FNDC3B: variants seen among roughly 807,000 people sequenced by gnomAD.
The protein encoded by FNDC3B is fibronectin type III domain-containing protein 3B.
Under a neutral mutation model 151.5 loss-of-function variants are expected in FNDC3B, and 12 were observed. The ratio of observed to expected loss-of-function variants is 0.08; its 90% CI spans 0.05 to 0.13. The LOEUF is 0.13. Ranked by LOEUF, FNDC3B falls within the 10% of genes least tolerant of loss-of-function variation. FNDC3B has a pLI of 1.00. For missense variants in FNDC3B, 1,214 were observed against 1,505.3 expected (o/e 0.81, Z 3.20); for synonymous variants, 528 against 549.0 (o/e 0.96, Z 0.54).
chr3:172,386,470 C>T (rs751396655), intron 25 of FNDC3B, among the ~76,000 whole-genome samples: 4 of 152,090 alleles, frequency 2.6e-5, no homozygotes, highest in Admixed American at 6.5e-5. Flanking sequence ...GGGCTGGGCG[C>T]GGTGGCTTAC....
At position 172,118,939 on chromosome 3, in the gene FNDC3B, C is replaced by T. The variant is rs575439245; in HGVS notation, c.111+6349C>T. Among the ~76,000 whole-genome samples, 26 of 151,808 alleles carry T rather than the reference C, an allele frequency of 1.7e-4. No homozygotes were observed. The East Asian group carries it at 2.9e-3, about 17-fold the overall frequency. On this transcript the variant is annotated intron_variant, in intron 2 of 25. Transcript: ENST00000415807. Reference sequence around the variant, plus strand: ...ATCCCAGCACTTTGGGAGGCTGAGGCGGGCGGATCACGAGGTCAGGAGATC... The same window carrying T: ...ATCCCAGCACTTTGGGAGGCTGAGGTGGGCGGATCACGAGGTCAGGAGATC...
At chr3:172,394,106 TAAAAA>T (rs60559371) in intron 25 of FNDC3B, among the ~76,000 whole-genome samples, 182 of 16,634 alleles carry the variant, frequency 0.011, 2 homozygotes, top group Non-Finnish European at 0.014. Context: ...AGACTCCTTC[TAAAAA>T]AAAAAAAAAA....
chr3:172,303,728 A>G lies in FNDC3B; in HGVS notation c.1062-3635A>G, dbSNP rs929589156. On this transcript the variant is annotated intron_variant, in intron 9 of 25. Transcript: ENST00000415807. ...GGAAAACTCATTGCCATTATGTGGA[A>G]AAAAAAAAAATTGCAGTATTCTTTT... is the stretch of plus-strand genomic sequence containing the variant. Among the ~76,000 whole-genome samples, 67 of 32,114 alleles carry G rather than the reference A, an allele frequency of 2.1e-3. No individual in the cohort carries two copies. In the African/African-American group the frequency reaches 0.044, roughly 21 times the overall value. The allele number at this position is 32,114 out of a possible 152,430, so 21.1% of individuals were successfully genotyped here.
chr3:172,043,606 T>G (rs1716204129), intron 1 of FNDC3B, among the ~76,000 whole-genome samples: 1 of 152,224 alleles, frequency 6.6e-6, no homozygotes, highest in African/African-American at 2.4e-5. Flanking sequence ...TCATTTTTCT[T>G]TCTTCTACGA....
intron 7 of FNDC3B, 136 bp from the exon 8 acceptor site, chr3:172,295,227 A>G (rs1369092474): frequency 1.1e-5 from 8 of 738,324 alleles, no homozygotes; most frequent in Non-Finnish European, 1.7e-5. Flanking sequence ...GAAAGAGAGC[A>G]CCATATAAGA....
chr3:172,134,529 T>TG, intron 3 of FNDC3B: 1 of 400,218 alleles, frequency 2.5e-6, no homozygotes, highest in Non-Finnish European at 5.2e-6. Context: ...ACAAACAAAC[T>TG]GGGGGAAATG....
intron 5 of FNDC3B, among the ~76,000 whole-genome samples, chr3:172,249,526 C>T (rs1378328851): frequency 6.6e-6 from 1 of 151,988 alleles, no homozygotes; most frequent in African/African-American, 2.4e-5. Flanking sequence ...ATTCTTTTAC[C>T]TTAGTTCTTA....
At chr3:172,099,185 G>C (rs1274525364) in intron 1 of FNDC3B, among the ~76,000 whole-genome samples, 1 of 152,170 alleles carries the variant, frequency 6.6e-6, no homozygotes, top group African/African-American at 2.4e-5. Context: ...GGCATATTTT[G>C]ATTTTGCTAA....
intron 1 of FNDC3B, among the ~76,000 whole-genome samples, chr3:172,084,039 G>T (rs1191770994): frequency 1.3e-5 from 2 of 152,150 alleles, no homozygotes; most frequent in African/African-American, 2.4e-5. Context: ...AGAGTTCATG[G>T]AGGTTGCCAC....
Position 172,397,644 on chromosome 3 carries a change from A to G in FNDC3B, c.*169A>G, listed in dbSNP as rs1736355947. 2.4e-6 allele frequency: 1 copy of G among 409,434 alleles called. No homozygotes were observed. 25.4% of individuals were successfully genotyped at this position (409,434 alleles called of 1,614,324 possible). On this transcript the variant is annotated 3_prime_UTR_variant, in exon 26 of 26. Transcript: ENST00000415807. ...TTGGTGCACCTTTTTGAAATGCAAAACTAGGAAAAGGTTAAACTGGATTTT... is the reference window on the plus strand; with the variant it reads ...TTGGTGCACCTTTTTGAAATGCAAAGCTAGGAAAAGGTTAAACTGGATTTT...
chr3:172,347,268 T>C lies in FNDC3B; in HGVS notation c.2421T>C (p.Asp807=), dbSNP rs756963903. 6 of 1,613,968 alleles carry C rather than the reference T, an allele frequency of 3.7e-6. No individual in the cohort carries two copies. The highest frequency in any genetic ancestry group is 4.5e-5 in the East Asian group (2 of 44,882). ...ISEYRLEWGE[D]EESLELIYHG... is the part of the protein sequence containing the mutation. ...AGTACAGGTTGGAATGGGGAGAAGA[T>C]GAAGAATCCTTAGAACTCATTTATC... is the stretch of plus-strand genomic sequence containing the variant. Residue 807 remains aspartate, a synonymous_variant, in exon 21 of 26, where the codon GAT becomes GAC. Transcript: ENST00000415807.
At chr3:172,351,983 C>T (rs1733879556) in intron 21 of FNDC3B, among the ~76,000 whole-genome samples, 1 of 152,088 alleles carries the variant, frequency 6.6e-6, no homozygotes, top group South Asian at 2.1e-4. Flanking sequence ...GCCACCCATC[C>T]AAATTGGGGA....
chr3:172,255,786 A>AT (rs1728306032), intron 6 of FNDC3B, among the ~76,000 whole-genome samples: 1 of 152,170 alleles, frequency 6.6e-6, no homozygotes, highest in Admixed American at 6.5e-5. Flanking sequence ...TTGGTACCAG[A>AT]TCTCACACAT....
chr3:172,194,089 G>C (rs924587292), intron 3 of FNDC3B, among the ~76,000 whole-genome samples: 1 of 151,930 alleles, frequency 6.6e-6, no homozygotes, highest in Non-Finnish European at 1.5e-5. Context: ...GCGAGGTGGC[G>C]GGCGCCTGTA....
intron 4 of FNDC3B, among the ~76,000 whole-genome samples, chr3:172,229,920 C>A (rs1359603804): frequency 6.6e-6 from 1 of 152,068 alleles, no homozygotes; most frequent in Non-Finnish European, 1.5e-5. Context: ...AAAGAATAAT[C>A]TTTTCAATAA....
At chr3:172,214,854 C>A (rs915844943) in intron 3 of FNDC3B, among the ~76,000 whole-genome samples, 35 of 152,236 alleles carry the variant, frequency 2.3e-4, no homozygotes, top group Admixed American at 1.8e-3. Context: ...GGCACTCTTG[C>A]AGGGGCAATG....
chr3:172,262,102 G>A (rs760025123), intron 6 of FNDC3B, among the ~76,000 whole-genome samples: 4 of 152,310 alleles, frequency 2.6e-5, no homozygotes, highest in African/African-American at 9.6e-5. Flanking sequence ...AGGAAAACAA[G>A]TGGAATGAAA....
At chr3:172,093,077 C>G (rs946806857) in intron 1 of FNDC3B, among the ~76,000 whole-genome samples, 1 of 152,092 alleles carries the variant, frequency 6.6e-6, no homozygotes, top group Non-Finnish European at 1.5e-5. Flanking sequence ...CTTGGCCTCC[C>G]AAAGTGCTGG....
intron 1 of FNDC3B, among the ~76,000 whole-genome samples, chr3:172,111,765 T>C (rs1559970943): frequency 6.6e-6 from 1 of 152,198 alleles, no homozygotes; most frequent in East Asian, 1.9e-4. Flanking sequence ...TTTGTCTGAT[T>C]TGAATATTAA....
Sources: allele counts gnomAD v4.1 joint callset (sites outside exome capture counted in the v4.1 genomes callset), GRCh38; gene constraint gnomAD v4.1.1; transcripts MANE v1.5; gene names NCBI Gene and HGNC (gene_info 2026-07-23, HGNC 2026-07-21).